The following PTPRD variants were observed in gnomAD, a reference collection of about 807,000 sequenced individuals.
PTPRD encodes protein tyrosine phosphatase receptor type D.
In PTPRD, 34 loss-of-function variants were observed where a neutral mutation model predicts 214.5. The observed-to-expected ratio is 0.16, with a 90% CI of 0.12 to 0.21. The LOEUF is 0.21. Ranked by LOEUF, PTPRD falls within the 10% of genes least tolerant of loss-of-function variation. PTPRD has a pLI of 1.00. For synonymous variants in PTPRD, 1,128 were observed against 845.7 expected (o/e 1.33, Z -5.79); for missense variants, 2,545 against 2,398.7 (o/e 1.06, Z -1.27).
At chr9:9,222,579 T>A (rs1293339862) in intron 9 of PTPRD, among the ~76,000 whole-genome samples, 2 of 152,080 alleles carry the variant, frequency 1.3e-5, no homozygotes, top group African/African-American at 2.4e-5. Flanking sequence ...ATAACTGGCA[T>A]TTATAGGTCC....
At chr9:9,552,589 C>A (rs1465477813) in intron 8 of PTPRD, among the ~76,000 whole-genome samples, 1 of 151,990 alleles carries the variant, frequency 6.6e-6, no homozygotes, top group Non-Finnish European at 1.5e-5. Context: ...CTATAGCAAA[C>A]TTCTTCTGTC....
chr9:8,633,111 C>G (rs2154319573), intron 14 of PTPRD, among the ~76,000 whole-genome samples: 1 of 151,966 alleles, frequency 6.6e-6, no homozygotes, highest in Non-Finnish European at 1.5e-5. Flanking sequence ...GCTTTTTTAC[C>G]TCTGATATTC....
chr9:9,560,818 G>A (rs997400884), intron 8 of PTPRD, among the ~76,000 whole-genome samples: 4 of 152,050 alleles, frequency 2.6e-5, no homozygotes, highest in Middle Eastern at 3.2e-3. Context: ...CACACTGTCC[G>A]CCCTGTCTTG....
chr9:10,265,568 C>T (rs1320109975), intron 3 of PTPRD, among the ~76,000 whole-genome samples: 1 of 152,228 alleles, frequency 6.6e-6, no homozygotes, highest in Non-Finnish European at 1.5e-5. Context: ...ATTTTAAGCT[C>T]TGTGGGCCAT....
chr9:10,165,614 C>T (rs1356474338), intron 3 of PTPRD, among the ~76,000 whole-genome samples: 1 of 151,548 alleles, frequency 6.6e-6, no homozygotes, highest in Non-Finnish European at 1.5e-5. Context: ...AGACTCAATG[C>T]TTTCAAATTA....
intron 11 of PTPRD, among the ~76,000 whole-genome samples, chr9:8,865,776 A>G (rs1408777093): frequency 6.6e-6 from 1 of 152,090 alleles, no homozygotes; most frequent in Non-Finnish European, 1.5e-5. Context: ...TCTTATTGAG[A>G]CTGTGCTGAA....
rs1274498514 is a variant in PTPRD at position 10,409,177 on chromosome 9, G to C, written c.-599-68160C>G. Among the ~76,000 whole-genome samples, 3 of 151,738 alleles carry C rather than the reference G, an allele frequency of 2.0e-5. No individual in the cohort carries two copies. The East Asian group carries it at 5.9e-4, about 30-fold the overall frequency. On this transcript the variant is annotated intron_variant, in intron 2 of 45. Coordinates refer to ENST00000381196, the MANE Select transcript of PTPRD (RefSeq NM_002839.4). ...CACACAAAATATCTAACTTTTTAAA[G>C]AAAAAGTGTGCCAACTTCTGTTATG...
intron 9 of PTPRD, among the ~76,000 whole-genome samples, chr9:9,384,024 T>C (rs747567048): frequency 5.3e-5 from 8 of 151,820 alleles, no homozygotes; most frequent in African/African-American, 9.7e-5. Context: ...AGCATAAACC[T>C]ATATACGAGA....
At chr9:9,257,067 A>G (rs371732395) in intron 9 of PTPRD, among the ~76,000 whole-genome samples, 115 of 152,078 alleles carry the variant, frequency 7.6e-4, no homozygotes, top group African/African-American at 2.6e-3. Context: ...AAAACCTCCA[A>G]TAAGAAATGT....
At chr9:10,403,365 T>A (rs912649922) in intron 2 of PTPRD, among the ~76,000 whole-genome samples, 1 of 149,998 alleles carries the variant, frequency 6.7e-6, no homozygotes, top group Non-Finnish European at 1.5e-5. Context: ...AGTTAAACCA[T>A]GCTTTAACTA....
At position 9,601,153 on chromosome 9, in the gene PTPRD, G is replaced by A. The variant is rs576806376; in HGVS notation, c.-286-26372C>T. Among the ~76,000 whole-genome samples the A allele has an allele frequency of 9.6e-5, 9 of 94,090 alleles. No individual in the cohort carries two copies. The South Asian group carries it at 3.6e-3, about 37-fold the overall frequency. 61.7% of individuals were successfully genotyped at this position (94,090 alleles called of 152,430 possible). A position where few individuals can be genotyped will look rare whatever the true frequency, so the allele number is the denominator to read the frequency against. The stretch of plus-strand genomic sequence containing the variant: ...TGTGTGTGTGTGTGTGTGTGTGTAT[G>A]GGGGGGGGAGAGTGGGGAGAGAGAG... On this transcript the variant is annotated intron_variant, in intron 7 of 45. Transcript: ENST00000381196.
At chr9:10,075,779 C>A (rs747316980) in intron 3 of PTPRD, among the ~76,000 whole-genome samples, 4 of 151,826 alleles carry the variant, frequency 2.6e-5, no homozygotes, top group Non-Finnish European at 5.9e-5. Flanking sequence ...TTAGAGTCTA[C>A]CTTAAATTTT....
chr9:10,227,776 A>G (rs1427134450), intron 3 of PTPRD, among the ~76,000 whole-genome samples: 1 of 152,050 alleles, frequency 6.6e-6, no homozygotes, highest in African/African-American at 2.4e-5. Flanking sequence ...AATAGAAAAC[A>G]TTCCTTCAAC....
intron 35 of PTPRD, among the ~76,000 whole-genome samples, chr9:8,434,194 C>T (rs968473344): frequency 5.3e-5 from 8 of 152,188 alleles, no homozygotes; most frequent in African/African-American, 1.7e-4. Flanking sequence ...GTTGACCAGG[C>T]TGATCCCGAA....
chr9:9,073,351 G>A (rs1410610478), intron 10 of PTPRD, among the ~76,000 whole-genome samples: 1 of 152,002 alleles, frequency 6.6e-6, no homozygotes. Context: ...GGACAATATG[G>A]GACTTCTTTT....
intron 21 of PTPRD, among the ~76,000 whole-genome samples, chr9:8,508,306 G>C (rs183680884): frequency 1.0e-3 from 153 of 152,268 alleles, no homozygotes; most frequent in Non-Finnish European, 1.3e-3. Context: ...AAATGAACTA[G>C]AATAATTAGT....
intron 8 of PTPRD, among the ~76,000 whole-genome samples, chr9:9,523,760 G>A (rs368891772): frequency 1.4e-4 from 21 of 152,184 alleles, no homozygotes; most frequent in African/African-American, 4.3e-4. Flanking sequence ...ACATCTCTCT[G>A]ACTCCTACTC....
intron 7 of PTPRD, among the ~76,000 whole-genome samples, chr9:9,725,359 C>A (rs1299727521): frequency 6.6e-6 from 1 of 151,224 alleles, no homozygotes; most frequent in African/African-American, 2.4e-5. Context: ...AGACATAACT[C>A]ACTCCTCCTT....
intron 9 of PTPRD, among the ~76,000 whole-genome samples, chr9:9,260,198 G>A (rs1331705594): frequency 6.6e-6 from 1 of 151,784 alleles, no homozygotes; most frequent in Non-Finnish European, 1.5e-5. Flanking sequence ...AAAGAAAACT[G>A]GCAAGTTAAC....
Sources: allele counts gnomAD v4.1 joint callset (sites outside exome capture counted in the v4.1 genomes callset), GRCh38; gene constraint gnomAD v4.1.1; transcripts MANE v1.5; gene names NCBI Gene and HGNC (gene_info 2026-07-23, HGNC 2026-07-21).